SEC63: variants seen among roughly 807,000 people sequenced by gnomAD.
SEC63 encodes translocation protein SEC63 homolog.
SEC63 carries 56 observed loss-of-function variants against 116.2 expected under a neutral mutation model. That is an observed-to-expected ratio of 0.48 (90% CI 0.39 to 0.60). SEC63 has a LOEUF of 0.60. Among genes scored for constraint, SEC63 ranks in the 20% least tolerant of loss-of-function variants. The pLI, the probability that SEC63 is intolerant of heterozygous loss-of-function variation, is 0.00. For missense variants in SEC63, 668 were observed against 900.0 expected, an observed-to-expected ratio of 0.74 and a Z score of 3.30; for synonymous variants, 273 against 294.6, an observed-to-expected ratio of 0.93 and a Z score of 0.75.
intron 4 of SEC63, among the ~76,000 whole-genome samples, chr6:107,917,602 G>C (rs1188121815): frequency 3.3e-5 from 5 of 152,230 alleles, no homozygotes; most frequent in African/African-American, 7.2e-5. Context: ...CAGAGCAACA[G>C]CGCTTAAAGG....
intron 1 of SEC63, chr6:107,955,966 A>G (rs76172099): frequency 4.8e-6 from 2 of 420,664 alleles, no homozygotes; most frequent in South Asian, 3.5e-5. Flanking sequence ...GAAACTCACC[A>G]TGAAAATATG....
In SEC63 at chr6:107,951,735, G is replaced by A. The variant is rs565658223; in HGVS notation, c.124+6151C>T. ...GCGGTGGCTCAAGCCTGTAATCCCA[G>A]CACTTTGGGAGGCTGAGGCAGGCGG... On this transcript the variant is annotated intron_variant, in intron 1 of 20. Transcript: ENST00000369002. 3.3e-5 allele frequency among the ~76,000 whole-genome samples: 5 copies of A among 152,046 alleles called. No homozygotes were observed. In the South Asian group the frequency reaches 1.0e-3, roughly 32 times the overall value.
chr6:107,918,763 T>C (rs1583755524), intron 4 of SEC63, among the ~76,000 whole-genome samples: 1 of 151,660 alleles, frequency 6.6e-6, no homozygotes, highest in East Asian at 1.9e-4. Flanking sequence ...GACACAGTGA[T>C]ACCTCTGATG....
intron 1 of SEC63, among the ~76,000 whole-genome samples, chr6:107,955,091 C>T (rs752063838): frequency 2.0e-5 from 3 of 152,210 alleles, no homozygotes; most frequent in Non-Finnish European, 4.4e-5. Context: ...GGCTCTGAAG[C>T]TAAGCGACCA....
At chr6:107,933,944 AGC>A (rs1360815167) in intron 1 of SEC63, among the ~76,000 whole-genome samples, 3 of 152,168 alleles carry the variant, frequency 2.0e-5, no homozygotes, top group Non-Finnish European at 4.4e-5. Flanking sequence ...GCTGGTCTCC[AGC>A]TCCTAACCGC....
intron 13 of SEC63, among the ~76,000 whole-genome samples, chr6:107,899,261 ACT>A (rs1786940067): frequency 6.6e-6 from 1 of 152,168 alleles, no homozygotes; most frequent in Admixed American, 6.5e-5. Flanking sequence ...CAACTATAGC[ACT>A]ATTATTACAT....
In SEC63 at chr6:107,883,048, A is replaced by G; in HGVS notation, c.1773T>C (p.Asp591=). Residue 591 remains aspartate (D), a synonymous_variant, in exon 17 of 21, where the codon GAT becomes GAC. Transcript: ENST00000369002. ...CTCTATCAGAGTCTCTGTCACTACC[A>G]TCATCTTTCTCACTTTGGGAATCTC... ...TNRDSQSEKD[D]GSDRDSDREQ... 1 of 1,613,124 alleles carries G rather than the reference A, an allele frequency of 6.2e-7. No homozygotes were observed. Among genetic ancestry groups the G allele is most frequent in the African/African-American group, 1.3e-5 (1 of 75,006 alleles).
intron 14 of SEC63, among the ~76,000 whole-genome samples, chr6:107,895,346 T>C (rs1786790108): frequency 3.3e-5 from 5 of 152,164 alleles, no homozygotes; most frequent in Admixed American, 3.3e-4. Context: ...CTAGAGTCCA[T>C]GACAAATGCT....
chr6:107,929,503 A>C lies in SEC63; in HGVS notation c.136T>G (p.Leu46Val). ...CCATATACTTTTCTGATATTCTTTA[A>C]TCGAATTTGCTCTGTCAAGAAAGAA... ...PRDQNAEQIR[L>V]KNIRKVYGRC... The change falls in exon 2 of 21, where the codon TTA (leucine) becomes GTA (valine). Residue 46 changes from leucine (L) to valine (V), a missense_variant. Coordinates refer to ENST00000369002, the MANE Select transcript of SEC63 (RefSeq NM_007214.5). 2 of 1,591,252 alleles carry C rather than the reference A, an allele frequency of 1.3e-6. No homozygotes were observed. The highest frequency in any genetic ancestry group is 8.6e-7 in the Non-Finnish European group (1 of 1,159,684).
At chr6:107,923,371 C>A in intron 3 of SEC63, among the ~76,000 whole-genome samples, 1 of 152,094 alleles carries the variant, frequency 6.6e-6, no homozygotes, top group East Asian at 1.9e-4. Flanking sequence ...ACCTCAGCCT[C>A]CCAAAGTACT....
In SEC63 at chr6:107,909,019, C is replaced by G; in HGVS notation, c.641G>C (p.Arg214Pro). The change falls in exon 8 of 21, where the codon CGC becomes CCC. Residue 214 changes from arginine to proline, a missense_variant. By Grantham distance (103) the Arg-to-Pro change is moderately radical. Around this residue, in one of 5 missense-constraint regions of SEC63, gnomAD observed 430 missense variants for 557.5 expected, o/e 0.77. Coordinates refer to ENST00000369002, the MANE Select transcript of SEC63 (RefSeq NM_007214.5). ...LPVVVGSWWY[R>P]SIRYSGDQIL... Reference sequence around the variant, plus strand: ...CTGGTCTCCACTATAGCGTATTGAGCGATACCACCAAGAGCCCTAAAACAC... The same window carrying G: ...CTGGTCTCCACTATAGCGTATTGAGGGATACCACCAAGAGCCCTAAAACAC... The G allele has an allele frequency of 6.2e-7, 1 of 1,610,644 alleles. No individual in the cohort carries two copies. The highest frequency in any genetic ancestry group is 8.5e-7 in the Non-Finnish European group (1 of 1,177,416).
At chr6:107,906,831 C>T (rs1289022969) in intron 8 of SEC63, 54 bp from the exon 9 acceptor site, 1 of 1,320,476 alleles carries the variant, frequency 7.6e-7, no homozygotes, top group Non-Finnish European at 1.1e-6. Flanking sequence ...TCATTAATTC[C>T]CCCTCCTGAG....
intron 1 of SEC63, among the ~76,000 whole-genome samples, chr6:107,938,247 ATTTTT>A (rs4028676): frequency 7.5e-6 from 1 of 133,982 alleles, no homozygotes; most frequent in Non-Finnish European, 1.5e-5. Flanking sequence ...TGGTGAGTTA[ATTTTT>A]TTTTTTTTTT....
intron 14 of SEC63, among the ~76,000 whole-genome samples, chr6:107,895,190 C>G (rs1255803257): frequency 6.6e-6 from 1 of 152,112 alleles, no homozygotes; most frequent in African/African-American, 2.4e-5. Flanking sequence ...ACCAATTACT[C>G]CAGAAATGTC....
At chr6:107,942,252 A>G (rs1467817853) in intron 1 of SEC63, among the ~76,000 whole-genome samples, 1 of 152,180 alleles carries the variant, frequency 6.6e-6, no homozygotes, top group Admixed American at 6.5e-5. Flanking sequence ...CTCCTTTCTA[A>G]AAAAGCCAGG....
At chr6:107,898,207 G>A (rs1394791522) in intron 13 of SEC63, among the ~76,000 whole-genome samples, 1 of 150,758 alleles carries the variant, frequency 6.6e-6, no homozygotes, top group Non-Finnish European at 1.5e-5. Flanking sequence ...AGGTTGCAGT[G>A]AGCCCAGATC....
chr6:107,921,139 A>G (rs1447944321), intron 4 of SEC63, among the ~76,000 whole-genome samples: 1 of 152,182 alleles, frequency 6.6e-6, no homozygotes, highest in Admixed American at 6.5e-5. Context: ...ACTTGTCTTT[A>G]AATAGTTTAA....
intron 16 of SEC63, among the ~76,000 whole-genome samples, chr6:107,883,739 T>C (rs1390118502): frequency 6.6e-6 from 1 of 151,158 alleles, no homozygotes; most frequent in Admixed American, 6.6e-5. Context: ...CCCAGGAGTT[T>C]AAGGCTGCAG....
At chr6:107,888,516 T>C (rs1786594387) in intron 16 of SEC63, among the ~76,000 whole-genome samples, 1 of 152,188 alleles carries the variant, frequency 6.6e-6, no homozygotes, top group African/African-American at 2.4e-5. Context: ...GTTTTCTAAA[T>C]ATATAATCAT....
Sources: gnomAD v4.1 joint callset for allele counts (sites outside exome capture counted in the v4.1 genomes callset) on GRCh38, gnomAD v4.1.1 for gene constraint, gnomAD v4.1.1 regional missense constraint, MANE v1.5 for transcripts, NCBI Gene and HGNC (gene_info 2026-07-23, HGNC 2026-07-21) for gene names.